ZDHHC11: variants seen among roughly 807,000 people sequenced by gnomAD.
ZDHHC11 encodes palmitoyltransferase ZDHHC11.
Under a neutral mutation model 51.3 loss-of-function variants are expected in ZDHHC11, and 44 were observed. That is an observed-to-expected ratio of 0.86 (90% CI 0.67 to 1.10). The LOEUF (loss-of-function observed/expected upper bound fraction) is 1.10. ZDHHC11 is among the 50% of genes least tolerant of loss of function. The pLI is 0.00. For missense variants in ZDHHC11, 400 were observed against 537.7 expected, an observed-to-expected ratio of 0.74 and a Z score of 2.53; for synonymous variants, 163 against 222.0, an observed-to-expected ratio of 0.73 and a Z score of 2.36.
chr5:852,681 GGGACAGACCACACGGA>G, upstream of ZDHHC11, among the ~76,000 whole-genome samples: 1 of 150,986 alleles, frequency 6.6e-6, no homozygotes, highest in African/African-American at 2.4e-5. Flanking sequence ...GCGAGCCGGG[GGGACAGACCACACGGA>G]GGACAGCGAG....
In ZDHHC11 at chr5:825,221, G is replaced by C; in HGVS notation, c.966C>G (p.His322Gln). 6.2e-7 allele frequency: 1 copy of C among 1,612,896 alleles called. No homozygotes were observed. The highest frequency in any genetic ancestry group is 1.1e-5 in the South Asian group (1 of 90,980). Reference sequence around the variant, plus strand: ...AAGTGCAGAAGTGACATAAGTGCTTGTGAATCAGCAGGGAGCTCTTGGCTT... The same window carrying C: ...AAGTGCAGAAGTGACATAAGTGCTTCTGAATCAGCAGGGAGCTCTTGGCTT... ...GVKAKSSLLIHKHLCHFCTSV... is the reference protein window; with the variant it reads ...GVKAKSSLLIQKHLCHFCTSV... The change falls in exon 8 of 13, where the codon CAC becomes CAG. Residue 322 changes from histidine (H) to glutamine (Q), a missense_variant. Coordinates refer to ENST00000283441, the MANE Select transcript of ZDHHC11 (RefSeq NM_024786.3).
upstream of ZDHHC11, among the ~76,000 whole-genome samples, chr5:851,928 T>A (rs943217495): frequency 6.6e-6 from 1 of 152,096 alleles, no homozygotes; most frequent in African/African-American, 2.4e-5. Context: ...TGGTGGCACA[T>A]GCCTCTAATC....
intron 1 of ZDHHC11, among the ~76,000 whole-genome samples, chr5:850,129 G>A (rs933986268): frequency 6.6e-6 from 1 of 152,224 alleles, no homozygotes; most frequent in African/African-American, 2.4e-5. Flanking sequence ...ACGCCAGGGG[G>A]CTGCTGTCCC....
intron 11 of ZDHHC11, among the ~76,000 whole-genome samples, chr5:812,055 T>A (rs1740158512): frequency 1.4e-5 from 2 of 139,496 alleles, no homozygotes; most frequent in African/African-American, 5.9e-5. Flanking sequence ...ACTTAAGTCT[T>A]CGAGATAAAG....
At chr5:822,325 G>T (rs1402979258) in intron 8 of ZDHHC11, among the ~76,000 whole-genome samples, 1 of 151,380 alleles carries the variant, frequency 6.6e-6, no homozygotes, top group African/African-American at 2.4e-5. Flanking sequence ...AAGGCAAGGA[G>T]AGAGGCCTTG....
At chr5:828,134 T>C (rs1212288807) in intron 7 of ZDHHC11, among the ~76,000 whole-genome samples, 4 of 151,454 alleles carry the variant, frequency 2.6e-5, no homozygotes, top group South Asian at 2.1e-4. Context: ...CCATGTCTAC[T>C]TCTTTCTACA....
At position 821,847 on chromosome 5, in the gene ZDHHC11, A is replaced by C. The variant is rs756153195; in HGVS notation, c.1058+14T>G. On this transcript the variant is annotated intron_variant, in intron 9 of 12. Coordinates refer to ENST00000283441, the MANE Select transcript of ZDHHC11 (RefSeq NM_024786.3). ...CTAATAGATAAAATAATCCCATTAA[A>C]CTTACAAACTCACCCAAGTGCAGAT... 1 of 1,600,084 alleles carries C rather than the reference A, an allele frequency of 6.2e-7. No homozygotes were observed. The highest frequency in any genetic ancestry group is 1.7e-5 in the Admixed American group (1 of 59,120).
chr5:811,351 C>T (rs1340450031), intron 11 of ZDHHC11, among the ~76,000 whole-genome samples: 7 of 140,282 alleles, frequency 5.0e-5, no homozygotes, highest in Non-Finnish European at 3.0e-5. Flanking sequence ...AGAGCATTTT[C>T]ACACTAAGTG....
upstream of ZDHHC11, among the ~76,000 whole-genome samples, chr5:855,257 G>C (rs190453708): frequency 2.4e-3 from 345 of 141,622 alleles, 1 homozygote; most frequent in Non-Finnish European, 4.1e-3. Flanking sequence ...CGGGGGGAGA[G>C]ACACCATGGA....
intron 3 of ZDHHC11, among the ~76,000 whole-genome samples, chr5:846,355 G>A (rs1481928240): frequency 2.6e-5 from 4 of 150,988 alleles, no homozygotes; most frequent in African/African-American, 9.8e-5. Context: ...GGGAGCAGGC[G>A]TGGTTCTTTT....
intron 11 of ZDHHC11, among the ~76,000 whole-genome samples, chr5:812,185 G>A (rs372964407): frequency 6.7e-6 from 1 of 149,030 alleles, no homozygotes; most frequent in Non-Finnish European, 1.5e-5. Flanking sequence ...GTATGATTTT[G>A]GTATAACCCT....
rs1743066779 is a variant in ZDHHC11 at position 831,439 on chromosome 5, TG to T, written c.935+2333del. Among the ~76,000 whole-genome samples, 2 of 149,028 alleles carry T rather than the reference TG, an allele frequency of 1.3e-5. 1 individual carries two copies. Among genetic ancestry groups the T allele is most frequent in the Admixed American group, 1.4e-4 (2 of 14,592 alleles). ...CTCTACTAACGACACAAAAATTAGC[TG>T]GGCGTGCTGGTGGGTGACTGTAATC... is the stretch of plus-strand genomic sequence containing the variant. On this transcript the variant is annotated intron_variant, in intron 7 of 12. Coordinates refer to ENST00000283441, the MANE Select transcript of ZDHHC11 (RefSeq NM_024786.3).
chr5:817,332 A>T (rs2017824), intron 10 of ZDHHC11, among the ~76,000 whole-genome samples: 35,266 of 151,060 alleles, frequency 0.23, 6,701 homozygotes, highest in African/African-American at 0.51. Flanking sequence ...ATTCAATTTT[A>T]AAAAATTATT....
chr5:812,090 CA>C (rs67564044), intron 11 of ZDHHC11, among the ~76,000 whole-genome samples: 28,719 of 103,206 alleles, frequency 0.28, 2,599 homozygotes, highest in African/African-American at 0.46. Flanking sequence ...TCCCTGTATG[CA>C]AAAATAAGTT....
chr5:855,622 G>T (rs529535905), upstream of ZDHHC11, among the ~76,000 whole-genome samples: 113 of 144,486 alleles, frequency 7.8e-4, no homozygotes, highest in Non-Finnish European at 1.4e-3. Context: ...AGACCCCACC[G>T]AGGACAGTGA....
intron 6 of ZDHHC11, among the ~76,000 whole-genome samples, 180 bp from the exon 7 acceptor site, chr5:833,987 G>T (rs1440194757): frequency 6.6e-6 from 1 of 152,248 alleles, no homozygotes; most frequent in Non-Finnish European, 1.5e-5. Flanking sequence ...TTTCTCTCTG[G>T]TGAGAAACTG....
intron 12 of ZDHHC11, among the ~76,000 whole-genome samples, chr5:797,436 A>T (rs1196953083): frequency 6.6e-6 from 1 of 151,730 alleles, no homozygotes; most frequent in African/African-American, 2.4e-5. Flanking sequence ...TAAACATAAC[A>T]TAGCCTTCAA....
At chr5:827,074 T>G (rs1432102221) in intron 7 of ZDHHC11, among the ~76,000 whole-genome samples, 1 of 144,318 alleles carries the variant, frequency 6.9e-6, no homozygotes, top group Non-Finnish European at 1.5e-5. Flanking sequence ...GTCCTATCTC[T>G]AGCCTCTCCA....
In ZDHHC11 at chr5:801,090, C is replaced by A. The variant is rs377583510; in HGVS notation, c.*7+10G>T. ...GATTTCAACATGACCCGCACTGCCA[C>A]GTATCTTACCTGAATCTCAGTCTTC... On this transcript the variant is annotated intron_variant, in intron 12 of 12. Coordinates refer to ENST00000283441, the MANE Select transcript of ZDHHC11 (RefSeq NM_024786.3). 1 of 1,609,762 alleles carries A rather than the reference C, an allele frequency of 6.2e-7. No individual in the cohort carries two copies. Among genetic ancestry groups the A allele is most frequent in the Admixed American group, 1.7e-5 (1 of 59,900 alleles).
Sources: allele counts gnomAD v4.1 joint callset (sites outside exome capture counted in the v4.1 genomes callset), GRCh38; gene constraint gnomAD v4.1.1; transcripts MANE v1.5; gene names NCBI Gene and HGNC (gene_info 2026-07-23, HGNC 2026-07-21).